Variants in CSNK1D observed in about 807,000 individuals in gnomAD.
CSNK1D encodes casein kinase 1 delta.
In CSNK1D, 16 loss-of-function variants were observed where a neutral mutation model predicts 46.6. That is an observed-to-expected ratio of 0.34 (90% confidence interval 0.23 to 0.52). The LOEUF is 0.52. Ranked by LOEUF, CSNK1D falls within the 20% of genes least tolerant of loss-of-function variation. CSNK1D has a pLI of 0.95. For synonymous variants in CSNK1D, 276 were observed against 228.2 expected (o/e 1.21, Z -1.89); for missense variants, 398 against 578.4 (o/e 0.69, Z 3.20).
chr17:82,265,643 C>G, intron 2 of CSNK1D, 43 bp downstream of exon 2: 1 of 1,476,514 alleles, frequency 6.8e-7, no homozygotes, highest in African/African-American at 1.4e-5. Context: ...TCTCCCTTGT[C>G]AAACAGAACC....
chr17:82,249,718 C>A lies in CSNK1D; in HGVS notation c.886-116G>T. The A allele has an allele frequency of 6.6e-7, 1 of 1,520,348 alleles. No homozygotes were observed. The highest frequency in any genetic ancestry group is 8.8e-7 in the Non-Finnish European group (1 of 1,137,948). 94.2% of individuals were successfully genotyped at this position (1,520,348 alleles called of 1,614,324 possible). On this transcript the variant is annotated intron_variant, in intron 6 of 8. Transcript: ENST00000314028. This position sits in a 1 kb window ranked among gnomAD's most constrained non-coding sequence, Gnocchi z 6.7. ...CCTACCAAAGGGCACTGGGACGAGACTGCCTGCAAAGCCCCCCACAGGCTG... is the reference window on the plus strand; with the variant it reads ...CCTACCAAAGGGCACTGGGACGAGAATGCCTGCAAAGCCCCCCACAGGCTG...
intron 2 of CSNK1D, among the ~76,000 whole-genome samples, chr17:82,258,915 G>A (rs968443535): frequency 4.6e-5 from 7 of 152,250 alleles, no homozygotes; most frequent in Non-Finnish European, 8.8e-5. Flanking sequence ...TATAGTAAGT[G>A]CTGGTGTTTG....
intron 3 of CSNK1D, 99 bp from the exon 4 acceptor site, chr17:82,253,343 C>T: frequency 4.1e-6 from 4 of 963,902 alleles, no homozygotes; most frequent in East Asian, 4.8e-5. Flanking sequence ...ATTGTTCCTG[C>T]CCCTCAGCCA....
At position 82,253,033 on chromosome 17, in the gene CSNK1D, T is replaced by C; in HGVS notation, c.548A>G (p.Asn183Ser). The change falls in exon 4 of 9, where the codon AAC becomes AGC. Residue 183 changes from asparagine (N) to serine (S), a missense_variant. By Grantham distance (46) the Asn-to-Ser change is conservative (BLOSUM62 1). Transcript: ENST00000314028. ...GGGCTCACCAATTCCAAGGTGCGTG[T>C]TGATGGAGGCGTACCGCGCCGTCCC... ...LTGTARYASI[N>S]THLGIEQSRR... 1 of 1,614,162 alleles carries C rather than the reference T, an allele frequency of 6.2e-7. No homozygotes were observed. The highest frequency in any genetic ancestry group is 8.5e-7 in the Non-Finnish European group (1 of 1,180,006).
rs529432059 is a variant in CSNK1D, at chr17:82,256,413, T to C, written c.188-836A>G. On this transcript the variant is annotated intron_variant, in intron 2 of 8. Transcript: ENST00000314028. ...CTGTGGTCCCAGCTACTTGGGAGGC[T>C]GAGGCAAGAGGATCACTTGAGCCCA... 7.3e-3 allele frequency among the ~76,000 whole-genome samples: 1,107 copies of C among 151,050 alleles called. 7 individuals are homozygous for C. The highest frequency in any genetic ancestry group is 0.012 in the Non-Finnish European group (816 of 67,916).
At chr17:82,264,414 T>C (rs909543429) in intron 2 of CSNK1D, among the ~76,000 whole-genome samples, 1 of 152,174 alleles carries the variant, frequency 6.6e-6, no homozygotes, top group Non-Finnish European at 1.5e-5. Flanking sequence ...CCCAACTGTT[T>C]GAAAGTCCAG....
At position 82,252,771 on chromosome 17, in the gene CSNK1D, C is replaced by T. The variant is rs751641250; in HGVS notation, c.566-167G>A. Among the ~76,000 whole-genome samples, 2 of 152,250 alleles carry T rather than the reference C, an allele frequency of 1.3e-5. No individual in the cohort carries two copies. On this transcript the variant is annotated intron_variant, in intron 4 of 8. Coordinates refer to ENST00000314028, the MANE Select transcript of CSNK1D (RefSeq NM_001893.6). The surrounding 1 kb of genome is among the most constrained non-coding windows in gnomAD (Gnocchi z 4.6). Reference sequence around the variant, plus strand: ...ACCTCGGACACACATGCCCAGATCACTCTCACCCAGAGCTGCCCCTCATGC... The same window carrying T: ...ACCTCGGACACACATGCCCAGATCATTCTCACCCAGAGCTGCCCCTCATGC...
At position 82,273,429 on chromosome 17, in the gene CSNK1D, TCTGAACTCTGGGAGGCGGCGCCG is replaced by T; in HGVS notation, c.-71_-49del. ...CCTGCCCTCCCGGCCGCTTCCTGGG[TCTGAACTCTGGGAGGCGGCGCCG>T]CTGCTGCCGCTACTGCGGGTCCGGC... On this transcript the variant is annotated 5_prime_UTR_variant, in exon 1 of 9. Coordinates refer to ENST00000314028, the MANE Select transcript of CSNK1D (RefSeq NM_001893.6). The surrounding 1 kb of genome is among the most constrained non-coding windows in gnomAD (Gnocchi z 5.1). 6.2e-7 allele frequency: 1 copy of T among 1,604,150 alleles called. No individual in the cohort carries two copies. The highest frequency in any genetic ancestry group is 8.5e-7 in the Non-Finnish European group (1 of 1,176,256).
In CSNK1D at chr17:82,255,365, A is replaced by C; in HGVS notation, c.336+64T>G. On this transcript the variant is annotated intron_variant, in intron 3 of 8. Coordinates refer to ENST00000314028, the MANE Select transcript of CSNK1D (RefSeq NM_001893.6). This position sits in a 1 kb window ranked among gnomAD's most constrained non-coding sequence, Gnocchi z 5.9. ...TGGCCATAATAATGGCAAGAACAGC[A>C]CAAGCGAGTGGCTGATTCTATCAGA... 1 of 1,576,788 alleles carries C rather than the reference A, an allele frequency of 6.3e-7. No individual in the cohort carries two copies.
chr17:82,251,739 C>A lies in CSNK1D; in HGVS notation c.737-212G>T. The A allele has an allele frequency of 1.6e-6, 1 of 615,732 alleles. No individual in the cohort carries two copies. Among genetic ancestry groups the A allele is most frequent in the Non-Finnish European group, 3.0e-6 (1 of 337,732 alleles). The allele number at this position is 615,732 out of a possible 1,614,324, so 38.1% of individuals were successfully genotyped here. On this transcript the variant is annotated intron_variant, in intron 5 of 8. Coordinates refer to ENST00000314028, the MANE Select transcript of CSNK1D (RefSeq NM_001893.6). This position sits in a 1 kb window ranked among gnomAD's most constrained non-coding sequence, Gnocchi z 4.5. ...GGTGCGGCGGCTCACGCCTGTCACC[C>A]CAGCACTCTAGGAGGCTGAGGAGGG... is the stretch of plus-strand genomic sequence containing the variant.
rs2050917218 is a variant in CSNK1D at position 82,248,791 on chromosome 17, G to A, written c.1197+84C>T. 3 of 1,544,404 alleles carry A rather than the reference G, an allele frequency of 1.9e-6. No homozygotes were observed. Among genetic ancestry groups the A allele is most frequent in the Non-Finnish European group, 2.6e-6 (3 of 1,145,944 alleles). ...AAAATGGGGGGAAGAAAGGAAAGAAGAAGCCCTGGAGAAACCACAGCCCGC... is the reference window on the plus strand; with the variant it reads ...AAAATGGGGGGAAGAAAGGAAAGAAAAAGCCCTGGAGAAACCACAGCCCGC... On this transcript the variant is annotated intron_variant, in intron 8 of 8. Coordinates refer to ENST00000314028, the MANE Select transcript of CSNK1D (RefSeq NM_001893.6). This position sits in a 1 kb window ranked among gnomAD's most constrained non-coding sequence, Gnocchi z 4.1.
At chr17:82,260,160 CTGACTGATG>C (rs2051290974) in intron 2 of CSNK1D, among the ~76,000 whole-genome samples, 1 of 144,132 alleles carries the variant, frequency 6.9e-6, no homozygotes. Flanking sequence ...TGATGGTGTA[CTGACTGATG>C]TGACTGATGG....
chr17:82,263,362 T>G (rs1227333690), intron 2 of CSNK1D, among the ~76,000 whole-genome samples: 3 of 152,216 alleles, frequency 2.0e-5, no homozygotes, highest in Admixed American at 6.5e-5. Flanking sequence ...GTTTCCAGGA[T>G]CCTAGAGAAG....
At chr17:82,268,226 A>C (rs1043318251) in intron 1 of CSNK1D, among the ~76,000 whole-genome samples, 2 of 152,204 alleles carry the variant, frequency 1.3e-5, no homozygotes, top group Non-Finnish European at 2.9e-5. Flanking sequence ...AAGAAGCAGA[A>C]CACCAAGGTC....
downstream of CSNK1D, among the ~76,000 whole-genome samples, chr17:82,242,468 C>A (rs1441988865): frequency 6.6e-6 from 1 of 151,904 alleles, no homozygotes; most frequent in Non-Finnish European, 1.5e-5. Context: ...GGGGGCAGCA[C>A]GGCGAGGAGC....
At chr17:82,254,092 G>T (rs1261801967) in intron 3 of CSNK1D, 3 of 187,272 alleles carry the variant, frequency 1.6e-5, no homozygotes, top group Admixed American at 1.6e-4. Context: ...GAGCTGAGCC[G>T]CCGGAGCCTC....
At chr17:82,261,650 T>C (rs2051343009) in intron 2 of CSNK1D, among the ~76,000 whole-genome samples, 1 of 152,156 alleles carries the variant, frequency 6.6e-6, no homozygotes, top group Non-Finnish European at 1.5e-5. Flanking sequence ...TACAAACAGG[T>C]GAGCAAGGTC....
rs2051683476 is a variant in CSNK1D, at chr17:82,273,215, G to A, written c.76+91C>T. The A allele has an allele frequency of 7.6e-7, 1 of 1,313,502 alleles. No homozygotes were observed. The highest frequency in any genetic ancestry group is 1.1e-6 in the Non-Finnish European group (1 of 948,156). The allele number at this position is 1,313,502 out of a possible 1,614,324, so 81.4% of individuals were successfully genotyped here. A position where few individuals can be genotyped will look rare whatever the true frequency, so the allele number is the denominator to read the frequency against. Reference sequence around the variant, plus strand: ...CCGGGACTTGCGCGGAGACCCCGCGGGGGCCACCACTTCCTTCCGCGATCG... The same window carrying A: ...CCGGGACTTGCGCGGAGACCCCGCGAGGGCCACCACTTCCTTCCGCGATCG... On this transcript the variant is annotated intron_variant, in intron 1 of 8. Coordinates refer to ENST00000314028, the MANE Select transcript of CSNK1D (RefSeq NM_001893.6). The surrounding 1 kb of genome is among the most constrained non-coding windows in gnomAD (Gnocchi z 5.1).
chr17:82,270,365 A>G (rs2051588279), intron 1 of CSNK1D, among the ~76,000 whole-genome samples: 2 of 152,156 alleles, frequency 1.3e-5, no homozygotes, highest in African/African-American at 4.8e-5. Flanking sequence ...CAAACATCTG[A>G]AAGCACAGAA....
Sources: gnomAD v4.1 joint callset for allele counts (sites outside exome capture counted in the v4.1 genomes callset) on GRCh38, gnomAD v4.1.1 for gene constraint, Gnocchi (gnomAD v3.1) non-coding constraint, MANE v1.5 for transcripts, NCBI Gene and HGNC (gene_info 2026-07-23, HGNC 2026-07-21) for gene names.